NOSIP: variants seen among roughly 807,000 people sequenced by gnomAD.
NOSIP encodes nitric oxide synthase interacting protein.
In NOSIP, 25 loss-of-function variants were observed where a neutral mutation model predicts 36.4. The ratio of observed to expected loss-of-function variants is 0.69; its 90% CI spans 0.50 to 0.96. NOSIP has a LOEUF of 0.96. NOSIP is among the 40% of genes least tolerant of loss of function. The pLI is 0.00. For missense variants in NOSIP, 370 were observed against 429.0 expected, an observed-to-expected ratio of 0.86 and a Z score of 1.21; for synonymous variants, 187 against 179.2, an observed-to-expected ratio of 1.04 and a Z score of -0.35.
In NOSIP at chr19:49,560,029, G is replaced by C; in HGVS notation, c.81C>G (p.Gly27=). The C allele has an allele frequency of 1.2e-6, 2 of 1,612,696 alleles. No homozygotes were observed. The highest frequency in any genetic ancestry group is 1.7e-6 in the Non-Finnish European group (2 of 1,178,940). ...TCAGTCGAATGTTCTGGGTCCCATA[G>C]CCCGAGGCCGCTGGGGACAGAGATG... ...HEKKKDTAAS[G]YGTQNIRLSR... Residue 27 remains glycine (G), a synonymous_variant, in exon 3 of 9, where the codon GGC becomes GGG. Coordinates refer to ENST00000596358, the MANE Select transcript of NOSIP (RefSeq NM_001270960.2). This position sits in a 1 kb window ranked among gnomAD's most constrained non-coding sequence, Gnocchi z 4.6.
intron 1 of NOSIP, among the ~76,000 whole-genome samples, chr19:49,578,027 A>G (rs1372966101): frequency 6.6e-6 from 1 of 152,156 alleles, no homozygotes; most frequent in East Asian, 1.9e-4. Context: ...TCTTAAAATG[A>G]TAGTGTTGAT....
At position 49,560,560 on chromosome 19, in the gene NOSIP, G is replaced by C. The variant is rs2080319046; in HGVS notation, c.70+62C>G. ...ACAGAGGAAGCAAAACCTGGGGCACGAGGGGAGAGGGTGACTCCAAGACAC... is the reference window on the plus strand; with the variant it reads ...ACAGAGGAAGCAAAACCTGGGGCACCAGGGGAGAGGGTGACTCCAAGACAC... On this transcript the variant is annotated intron_variant, in intron 2 of 8. Coordinates refer to ENST00000596358, the MANE Select transcript of NOSIP (RefSeq NM_001270960.2). This position sits in a 1 kb window ranked among gnomAD's most constrained non-coding sequence, Gnocchi z 4.6. 9.0e-6 allele frequency: 12 copies of C among 1,338,496 alleles called. No homozygotes were observed. In the South Asian group the frequency reaches 1.5e-4, roughly 17 times the overall value. 82.9% of individuals were successfully genotyped at this position (1,338,496 alleles called of 1,614,324 possible).
In NOSIP at chr19:49,563,620, A is replaced by C. The variant is rs1320551172; in HGVS notation, c.-1-2928T>G. Among the ~76,000 whole-genome samples, 3 of 151,962 alleles carry C rather than the reference A, an allele frequency of 2.0e-5. No individual in the cohort carries two copies. In the East Asian group the frequency reaches 5.8e-4, roughly 29 times the overall value. On this transcript the variant is annotated intron_variant, in intron 1 of 8. Coordinates refer to ENST00000596358, the MANE Select transcript of NOSIP (RefSeq NM_001270960.2). ...GCAATTCTCCTGCCTCAGCCTCCTA[A>C]GTAGCTGGGATTACAGGTGCATGCC... is the stretch of plus-strand genomic sequence containing the variant.
intron 7 of NOSIP, 56 bp downstream of exon 7, chr19:49,556,493 C>T (rs578126932): frequency 1.2e-6 from 2 of 1,608,054 alleles, no homozygotes; most frequent in Admixed American, 1.7e-5. Flanking sequence ...GCCCCAAAGC[C>T]GGACCGCCCC....
At chr19:49,556,801 C>T in intron 6 of NOSIP, 65 bp from the exon 7 acceptor site, 1 of 1,596,352 alleles carries the variant, frequency 6.3e-7, no homozygotes, top group South Asian at 1.1e-5. Context: ...GCGCGTGGTC[C>T]CTGTGCGTGA....
chr19:49,561,936 CTA>C (rs2080341118), intron 1 of NOSIP, among the ~76,000 whole-genome samples: 1 of 150,760 alleles, frequency 6.6e-6, no homozygotes, highest in Non-Finnish European at 1.5e-5. Context: ...ACATTTATTC[CTA>C]TGTTTTCTTC....
At position 49,555,665 on chromosome 19, in the gene NOSIP, G is replaced by A; in HGVS notation, c.*86C>T. Reference sequence around the variant, plus strand: ...TTTGCACGGCCCTGCATCCTCGCCTGCCCTGTCCCCGGGGCGCCCACGCCG... The same window carrying A: ...TTTGCACGGCCCTGCATCCTCGCCTACCCTGTCCCCGGGGCGCCCACGCCG... On this transcript the variant is annotated 3_prime_UTR_variant, in exon 9 of 9. Coordinates refer to ENST00000596358, the MANE Select transcript of NOSIP (RefSeq NM_001270960.2). 1 of 1,133,860 alleles carries A rather than the reference G, an allele frequency of 8.8e-7. No individual in the cohort carries two copies. The highest frequency in any genetic ancestry group is 1.3e-6 in the Non-Finnish European group (1 of 752,850). The allele number at this position is 1,133,860 out of a possible 1,614,324, so 70.2% of individuals were successfully genotyped here.
chr19:49,557,339 A>C (rs1358762776), intron 4 of NOSIP, 90 bp from the exon 5 acceptor site: 1 of 1,477,288 alleles, frequency 6.8e-7, no homozygotes, highest in Non-Finnish European at 9.0e-7. Flanking sequence ...AGGCCCACAA[A>C]GGGGACCCTC....
Position 49,560,662 on chromosome 19 carries a change from T to C in NOSIP, c.30A>G (p.Ala10=), listed in dbSNP as rs754038546. 9.4e-6 allele frequency: 15 copies of C among 1,596,264 alleles called. No homozygotes were observed. Among genetic ancestry groups the C allele is most frequent in the Admixed American group, 5.2e-5 (3 of 57,580 alleles). Residue 10 remains alanine, a synonymous_variant, in exon 2 of 9, where the codon GCA becomes GCG. Coordinates refer to ENST00000596358, the MANE Select transcript of NOSIP (RefSeq NM_001270960.2). The surrounding 1 kb of genome is among the most constrained non-coding windows in gnomAD (Gnocchi z 4.6). MTRHGKNCT[A]GAVYTYHEKK... Reference sequence around the variant, plus strand: ...TCTCGTGGTAGGTGTAGACGGCCCCTGCGGTGCAGTTCTTGCCATGCCGCG... The same window carrying C: ...TCTCGTGGTAGGTGTAGACGGCCCCCGCGGTGCAGTTCTTGCCATGCCGCG...
chr19:49,577,723 C>T (rs949979577), intron 1 of NOSIP, among the ~76,000 whole-genome samples: 1 of 148,630 alleles, frequency 6.7e-6, no homozygotes, highest in African/African-American at 2.5e-5. Context: ...CATGATCGAA[C>T]CACTGCACTC....
At chr19:49,578,395 A>C (rs1024076927) in intron 1 of NOSIP, among the ~76,000 whole-genome samples, 6 of 152,156 alleles carry the variant, frequency 3.9e-5, no homozygotes, top group African/African-American at 1.4e-4. Context: ...AAGTGCAAGG[A>C]TTACAGGCAT....
intron 1 of NOSIP, among the ~76,000 whole-genome samples, chr19:49,563,903 T>G (rs74963443): frequency 1.9e-3 from 284 of 152,122 alleles, no homozygotes; most frequent in East Asian, 0.017. Context: ...GCTATAAGAG[T>G]CCAATACTCT....
intron 4 of NOSIP, chr19:49,557,467 T>C: frequency 7.2e-7 from 1 of 1,396,532 alleles, no homozygotes; most frequent in Non-Finnish European, 9.3e-7. Context: ...CTCTGTGGCC[T>C]AAGTGAGCAC....
chr19:49,562,118 C>CTGTT lies in NOSIP; in HGVS notation c.-1-1430_-1-1427dup, dbSNP rs536428893. On this transcript the variant is annotated intron_variant, in intron 1 of 8. Transcript: ENST00000596358. ...CTTGGCCAGTAAACAGCCTGCATGC[C>CTGTT]TGTTTGTTTGTTTGTTTTTTGAGAC... 4.7e-4 allele frequency among the ~76,000 whole-genome samples: 72 copies of CTGTT among 151,988 alleles called. 2 individuals are homozygous for CTGTT. The highest frequency in any genetic ancestry group is 1.5e-4 in the Non-Finnish European group (10 of 68,000).
intron 1 of NOSIP, among the ~76,000 whole-genome samples, chr19:49,561,513 T>C (rs1568403853): frequency 6.6e-6 from 1 of 152,140 alleles, no homozygotes; most frequent in Non-Finnish European, 1.5e-5. Flanking sequence ...TCATTCCCCA[T>C]ACTTAAGGGC....
At chr19:49,572,250 C>T (rs1425800542) in intron 1 of NOSIP, among the ~76,000 whole-genome samples, 1 of 151,142 alleles carries the variant, frequency 6.6e-6, no homozygotes, top group Non-Finnish European at 1.5e-5. Context: ...GGATTACAGG[C>T]ACCCGCCACC....
At position 49,557,254 on chromosome 19, in the gene NOSIP, G is replaced by A. The variant is rs371060180; in HGVS notation, c.259-5C>T. 6.7e-5 allele frequency: 106 copies of A among 1,574,590 alleles called. No individual in the cohort carries two copies. In the African/African-American group the frequency reaches 1.1e-3, roughly 16 times the overall value. Reference sequence around the variant, plus strand: ...GCCCCGCTGCTTCTCGTAGGCCTGCGTCGGGGAAAGTGGGCTGAGCATCTG... The same window carrying A: ...GCCCCGCTGCTTCTCGTAGGCCTGCATCGGGGAAAGTGGGCTGAGCATCTG... On this transcript the variant is annotated splice_polypyrimidine_tract_variant and splice_region_variant and intron_variant, in intron 4 of 8. Coordinates refer to ENST00000596358, the MANE Select transcript of NOSIP (RefSeq NM_001270960.2).
intron 1 of NOSIP, among the ~76,000 whole-genome samples, chr19:49,574,845 A>AC (rs1411192524): frequency 1.4e-5 from 2 of 147,068 alleles, no homozygotes; most frequent in Non-Finnish European, 3.0e-5. Context: ...ACAGGCGTCC[A>AC]CCACCATGCC....
intron 1 of NOSIP, among the ~76,000 whole-genome samples, chr19:49,575,945 C>T (rs2080546747): frequency 6.6e-6 from 1 of 152,056 alleles, no homozygotes; most frequent in African/African-American, 2.4e-5. Context: ...TCCTGACTAA[C>T]ACGGTGAAAC....
Sources: gnomAD v4.1 joint callset for allele counts (sites outside exome capture counted in the v4.1 genomes callset) on GRCh38, gnomAD v4.1.1 for gene constraint, Gnocchi (gnomAD v3.1) non-coding constraint, MANE v1.5 for transcripts, NCBI Gene and HGNC (gene_info 2026-07-23, HGNC 2026-07-21) for gene names.